Variants in PGS1 observed in about 807,000 individuals in gnomAD.
PGS1 encodes CDP-diacylglycerol--glycerol-3-phosphate 3-phosphatidyltransferase, mitochondrial.
PGS1 carries 44 observed loss-of-function variants against 58.3 expected under a neutral mutation model. The observed-to-expected ratio is 0.75, with a 90% CI of 0.59 to 0.97. The LOEUF (loss-of-function observed/expected upper bound fraction) is 0.97. PGS1 is among the 50% of genes least tolerant of loss of function. The pLI, the probability that PGS1 is intolerant of heterozygous loss-of-function variation, is 0.00. For missense variants in PGS1, 684 were observed against 731.1 expected (o/e 0.94, Z 0.74); for synonymous variants, 330 against 311.0 (o/e 1.06, Z -0.64).
chr17:78,400,931 T>C lies in PGS1; in HGVS notation c.880+76T>C. The C allele has an allele frequency of 7.7e-7, 1 of 1,306,116 alleles. No homozygotes were observed. Among genetic ancestry groups the C allele is most frequent in the South Asian group, 1.4e-5 (1 of 69,000 alleles). The allele number at this position is 1,306,116 out of a possible 1,614,324, so 80.9% of individuals were successfully genotyped here. ...GGGCCCGGGAGAGCACAACTCTAGG[T>C]GGTTCTGCCACAGGCATAGGGGACT... On this transcript the variant is annotated intron_variant, in intron 6 of 9. Coordinates refer to ENST00000262764, the MANE Select transcript of PGS1 (RefSeq NM_024419.5). This position sits in a 1 kb window ranked among gnomAD's most constrained non-coding sequence, Gnocchi z 4.4.
At chr17:78,396,659 G>C (rs552152424) in intron 3 of PGS1, among the ~76,000 whole-genome samples, 3 of 152,374 alleles carry the variant, frequency 2.0e-5, no homozygotes, top group Admixed American at 2.0e-4. Context: ...GCCCCAGGCA[G>C]CTCTGTCTGC....
chr17:78,404,190 C>A, intron 7 of PGS1, 101 bp downstream of exon 7: 1 of 1,263,850 alleles, frequency 7.9e-7, no homozygotes, highest in Non-Finnish European at 1.1e-6. Context: ...TGCTGTACTT[C>A]TCCCTTCCTA....
At chr17:78,398,402 G>C in intron 4 of PGS1, 51 bp downstream of exon 4, 1 of 1,219,452 alleles carries the variant, frequency 8.2e-7, no homozygotes, top group South Asian at 1.2e-5. Flanking sequence ...CAGATCCTCA[G>C]TCCCAAGAGG....
intron 1 of PGS1, among the ~76,000 whole-genome samples, chr17:78,390,433 G>T (rs1214423216): frequency 6.6e-6 from 1 of 152,222 alleles, no homozygotes; most frequent in African/African-American, 2.4e-5. Flanking sequence ...AGGTTTTCTT[G>T]GCAGTGAATC....
At position 78,424,440 on chromosome 17, in the gene PGS1, T is replaced by G. The variant is rs540935348; in HGVS notation, c.*390T>G. The G allele has an allele frequency of 5.2e-6, 2 of 386,948 alleles. No homozygotes were observed. The highest frequency in any genetic ancestry group is 4.0e-5 in the African/African-American group (2 of 50,466). 24.0% of individuals were successfully genotyped at this position (386,948 alleles called of 1,614,324 possible). On this transcript the variant is annotated 3_prime_UTR_variant, in exon 10 of 10. Coordinates refer to ENST00000262764, the MANE Select transcript of PGS1 (RefSeq NM_024419.5). ...AGAGCCTCATCTGTCAGCCTTAATGTCAGTGGCAGGAAGTCATAACTCCAG... is the reference window on the plus strand; with the variant it reads ...AGAGCCTCATCTGTCAGCCTTAATGGCAGTGGCAGGAAGTCATAACTCCAG...
intron 2 of PGS1, among the ~76,000 whole-genome samples, chr17:78,393,261 T>C (rs990952913): frequency 6.6e-6 from 1 of 152,000 alleles, no homozygotes; most frequent in Non-Finnish European, 1.5e-5. Context: ...GGGGTTTCAC[T>C]GTGTTAGCCA....
chr17:78,405,690 G>A (rs1466518658), intron 7 of PGS1, among the ~76,000 whole-genome samples: 4 of 152,218 alleles, frequency 2.6e-5, no homozygotes, highest in African/African-American at 4.8e-5. Flanking sequence ...CCTTTCTGAC[G>A]CTGGGGACCC....
chr17:78,393,440 G>T (rs962051027), intron 2 of PGS1, among the ~76,000 whole-genome samples: 1 of 152,204 alleles, frequency 6.6e-6, no homozygotes, highest in Non-Finnish European at 1.5e-5. Flanking sequence ...GGTTGGTGAG[G>T]ACTGAGGACC....
intron 9 of PGS1, chr17:78,421,946 CG>C (rs1025439863): frequency 3.0e-5 from 4 of 133,500 alleles, no homozygotes; most frequent in African/African-American, 1.0e-4. Context: ...TTTCTAGGTG[CG>C]CGGGGCTGTC....
intron 7 of PGS1, among the ~76,000 whole-genome samples, chr17:78,413,895 T>C (rs1229150186): frequency 6.6e-6 from 1 of 152,252 alleles, no homozygotes; most frequent in Non-Finnish European, 1.5e-5. Flanking sequence ...GTTACAGAAA[T>C]GGCCTCGTAG....
At chr17:78,379,541 C>A (rs546794485) in intron 1 of PGS1, among the ~76,000 whole-genome samples, 144 of 152,180 alleles carry the variant, frequency 9.5e-4, no homozygotes, top group African/African-American at 2.9e-3. Flanking sequence ...ATAAATAATT[C>A]TTGGCCGGGT....
Position 78,414,997 on chromosome 17 carries a change from G to T in PGS1, c.1521G>T (p.Glu507Asp), listed in dbSNP as rs2085050638. ...AGGCCCAGATTGCGATCGTGACGGA[G>T]AACCAGGCCCTGCAGCAGCAGCTTC... Reference protein sequence around the residue: ...DLEAQIAIVTENQALQQQLHQ... With the variant: ...DLEAQIAIVTDNQALQQQLHQ... Residue 507 changes from glutamate (E) to aspartate (D), a missense_variant, in exon 8 of 10, where the codon GAG (glutamate) becomes GAT (aspartate). Physicochemically the swap from Glu to Asp is conservative, Grantham distance 45. Coordinates refer to ENST00000262764, the MANE Select transcript of PGS1 (RefSeq NM_024419.5). The T allele has an allele frequency of 6.2e-7, 1 of 1,613,376 alleles. No homozygotes were observed. The highest frequency in any genetic ancestry group is 8.5e-7 in the Non-Finnish European group (1 of 1,180,030).
At chr17:78,402,076 G>C (rs4969185) in intron 6 of PGS1, among the ~76,000 whole-genome samples, 93,394 of 151,960 alleles carry the variant, frequency 0.61, 28,782 homozygotes, top group Admixed American at 0.65. Context: ...TCCTCCCTCC[G>C]GCAGCCCTGT....
chr17:78,396,220 G>A (rs140855027), intron 2 of PGS1, 88 bp from the exon 3 acceptor site: 305 of 941,856 alleles, frequency 3.2e-4, no homozygotes, highest in Non-Finnish European at 4.7e-4. Flanking sequence ...GCTTGGAGTG[G>A]GATTTGCCTC....
chr17:78,381,293 C>G (rs1275358200), intron 1 of PGS1, among the ~76,000 whole-genome samples: 1 of 152,168 alleles, frequency 6.6e-6, no homozygotes, highest in Non-Finnish European at 1.5e-5. Flanking sequence ...GATTGTTTCT[C>G]TGGGACAACA....
intron 2 of PGS1, among the ~76,000 whole-genome samples, chr17:78,394,173 C>CAAAAA (rs1567955367): frequency 1.0e-4 from 4 of 38,526 alleles, no homozygotes; most frequent in Admixed American, 3.5e-4. Context: ...CTCTATCTCC[C>CAAAAA]AAAAAAAAAA....
intron 8 of PGS1, among the ~76,000 whole-genome samples, chr17:78,418,466 C>T (rs974582622): frequency 2.0e-5 from 3 of 152,114 alleles, no homozygotes; most frequent in Non-Finnish European, 4.4e-5. Flanking sequence ...CTGCCGATTT[C>T]TGGGCACTTT....
intron 1 of PGS1, among the ~76,000 whole-genome samples, chr17:78,385,081 C>T (rs2082287224): frequency 6.6e-6 from 1 of 152,206 alleles, no homozygotes; most frequent in Admixed American, 6.5e-5. Context: ...CCGTCTCCTC[C>T]AAAAGGGAGA....
chr17:78,399,376 C>T lies in PGS1; in HGVS notation c.540C>T (p.Leu180=), dbSNP rs749943989. 5 of 1,613,986 alleles carry T rather than the reference C, an allele frequency of 3.1e-6. No homozygotes were observed. The highest frequency in any genetic ancestry group is 3.3e-5 in the Admixed American group (2 of 60,006). Residue 180 remains leucine (L), a synonymous_variant, in exon 5 of 10, where the codon CTC becomes CTT. Transcript: ENST00000262764. ...RGRKNSRTML[L]PLLRRFPEQV... is the part of the protein sequence containing the mutation. ...GGAAGAACTCCCGCACAATGCTGCT[C>T]CCACTCCTGCGGAGGTTCCCAGAGC... is the stretch of plus-strand genomic sequence containing the variant.
Sources: allele counts gnomAD v4.1 joint callset (sites outside exome capture counted in the v4.1 genomes callset), GRCh38; gene constraint gnomAD v4.1.1; non-coding constraint Gnocchi (gnomAD v3.1); transcripts MANE v1.5; gene names NCBI Gene and HGNC (gene_info 2026-07-23, HGNC 2026-07-21).